PLPPR5: variants seen among roughly 807,000 people sequenced by gnomAD.
PLPPR5 encodes phospholipid phosphatase-related protein type 5.
Under a neutral mutation model 33.9 loss-of-function variants are expected in PLPPR5, and 16 were observed. The observed-to-expected ratio is 0.47, with a 90% CI of 0.32 to 0.72. The LOEUF (loss-of-function observed/expected upper bound fraction) is 0.72, where lower values mean the gene tolerates loss of function less well. Ranked by LOEUF, PLPPR5 falls within the 30% of genes least tolerant of loss-of-function variation. The pLI is 0.03. For missense variants in PLPPR5, 301 were observed against 406.7 expected (o/e 0.74, Z 2.23); for synonymous variants, 163 against 150.3 (o/e 1.08, Z -0.62).
intron 1 of PLPPR5, among the ~76,000 whole-genome samples, chr1:98,958,326 C>T (rs573183724): frequency 1.3e-5 from 2 of 152,166 alleles, no homozygotes; most frequent in African/African-American, 4.8e-5. Flanking sequence ...CCTACTTTTA[C>T]CCCAGTGTGA....
intron 2 of PLPPR5, among the ~76,000 whole-genome samples, chr1:98,955,195 T>C (rs1650958467): frequency 6.6e-6 from 1 of 151,964 alleles, no homozygotes; most frequent in Non-Finnish European, 1.5e-5. Flanking sequence ...ATCCAAACCA[T>C]AAGGGAACAA....
intron 5 of PLPPR5, among the ~76,000 whole-genome samples, chr1:98,894,174 C>T (rs572388406): frequency 6.6e-5 from 10 of 152,012 alleles, no homozygotes; most frequent in South Asian, 2.1e-4. Context: ...AAAATTAGTA[C>T]GAATCAGGAG....
intron 1 of PLPPR5, among the ~76,000 whole-genome samples, chr1:98,957,919 A>G (rs147555327): frequency 0.011 from 1,621 of 152,314 alleles, 18 homozygotes; most frequent in Non-Finnish European, 0.012. Flanking sequence ...AGTGATTTTT[A>G]TACATGGTCC....
intron 1 of PLPPR5, among the ~76,000 whole-genome samples, chr1:98,989,210 A>T (rs1318591772): frequency 1.3e-5 from 2 of 152,152 alleles, no homozygotes; most frequent in South Asian, 4.1e-4. Context: ...TCATATGCTC[A>T]TTCTTTGATC....
Position 98,956,628 on chromosome 1 carries a change from G to A in PLPPR5, c.351C>T (p.Arg117=). ...GDCCYINPLV[R]RTVRFLGIYT... is the part of the protein sequence containing the mutation. ...ACATACCAAGAAATCGGACAGTTCGGCGCACCAGCGGGTTTATATAGCAAC... is the reference window on the plus strand; with the variant it reads ...ACATACCAAGAAATCGGACAGTTCGACGCACCAGCGGGTTTATATAGCAAC... Residue 117 remains arginine, a synonymous_variant, in exon 2 of 6, where the codon CGC becomes CGT. Coordinates refer to ENST00000263177, the MANE Select transcript of PLPPR5 (RefSeq NM_001037317.2). 3 of 1,588,554 alleles carry A rather than the reference G, an allele frequency of 1.9e-6. No homozygotes were observed. The highest frequency in any genetic ancestry group is 1.9e-5 in the Admixed American group (1 of 53,662).
intron 2 of PLPPR5, among the ~76,000 whole-genome samples, chr1:98,954,641 C>T (rs1650936697): frequency 6.6e-6 from 1 of 152,004 alleles, no homozygotes; most frequent in Non-Finnish European, 1.5e-5. Flanking sequence ...GGGAATGAAA[C>T]AAAGATATTA....
At chr1:98,960,397 T>C (rs558174264) in intron 1 of PLPPR5, among the ~76,000 whole-genome samples, 1 of 152,040 alleles carries the variant, frequency 6.6e-6, no homozygotes, top group African/African-American at 2.4e-5. Flanking sequence ...AGAGATGGGG[T>C]TTCACCATGT....
At chr1:98,914,634 T>C in intron 5 of PLPPR5, 152 bp downstream of exon 5, 2 of 651,826 alleles carry the variant, frequency 3.1e-6, no homozygotes, top group East Asian at 3.2e-5. Context: ...TATTTTTCTA[T>C]GATTATCTCT....
intron 5 of PLPPR5, among the ~76,000 whole-genome samples, chr1:98,903,373 C>A (rs1269109748): frequency 1.3e-5 from 2 of 152,056 alleles, no homozygotes; most frequent in Admixed American, 1.3e-4. Context: ...AGAAAATCAA[C>A]TGAATCTTAA....
chr1:98,897,073 A>T (rs189462565), intron 5 of PLPPR5, among the ~76,000 whole-genome samples: 151 of 152,318 alleles, frequency 9.9e-4, no homozygotes, highest in Non-Finnish European at 1.9e-3. Flanking sequence ...CATATTAATG[A>T]TTGAAAAATA....
At chr1:98,920,034 T>G (rs574723471) in intron 4 of PLPPR5, among the ~76,000 whole-genome samples, 1 of 152,138 alleles carries the variant, frequency 6.6e-6, no homozygotes, top group Non-Finnish European at 1.5e-5. Flanking sequence ...AATCCTTTCA[T>G]GAAGTCATTT....
intron 5 of PLPPR5, among the ~76,000 whole-genome samples, chr1:98,909,071 A>G (rs572241783): frequency 1.4e-4 from 21 of 152,250 alleles, no homozygotes; most frequent in African/African-American, 4.3e-4. Flanking sequence ...AAAAGAAGGA[A>G]GGAAGAAAGG....
intron 4 of PLPPR5, among the ~76,000 whole-genome samples, chr1:98,919,791 A>G (rs184287): frequency 0.74 from 112,499 of 152,024 alleles, 41,848 homozygotes; most frequent in East Asian, 0.8. Context: ...GGGTAAAAGG[A>G]ACTGAGAGGA....
chr1:98,911,704 A>G (rs1048912401), intron 5 of PLPPR5, among the ~76,000 whole-genome samples: 1 of 152,102 alleles, frequency 6.6e-6, no homozygotes, highest in Non-Finnish European at 1.5e-5. Flanking sequence ...AGTTACCCTG[A>G]CCATATTATT....
Position 98,953,316 on chromosome 1 carries a change from A to T in PLPPR5, c.375T>A (p.Ile125=). 6.2e-7 allele frequency: 1 copy of T among 1,609,908 alleles called. No homozygotes were observed. Among genetic ancestry groups the T allele is most frequent in the Non-Finnish European group, 8.5e-7 (1 of 1,178,316 alleles). The part of the protein sequence containing the change: ...LVRRTVRFLG[I]YTFGLFATDI... Reference sequence around the variant, plus strand: ...CTGTAGCAAACAGTCCAAATGTATAAATTCCTGGGGAAGAAAACAAATAAT... The same window carrying T: ...CTGTAGCAAACAGTCCAAATGTATATATTCCTGGGGAAGAAAACAAATAAT... The change falls in exon 3 of 6, where the codon ATT becomes ATA. Residue 125 remains isoleucine, a synonymous_variant. Transcript: ENST00000263177.
chr1:98,916,647 C>G (rs1041832179), intron 4 of PLPPR5, among the ~76,000 whole-genome samples: 9 of 152,194 alleles, frequency 5.9e-5, no homozygotes, highest in Non-Finnish European at 1.0e-4. Context: ...GGCAGCAGAT[C>G]AAATTTGGTC....
In PLPPR5 at chr1:99,001,120, A is replaced by G. The variant is rs896772297; in HGVS notation, c.237+3315T>C. 2.7e-5 allele frequency among the ~76,000 whole-genome samples: 4 copies of G among 149,774 alleles called. No individual in the cohort carries two copies. The South Asian group carries it at 6.3e-4, about 24-fold the overall frequency. ...GATTGTTCAAGATTACACAGCAAGTAGAGTTCCCAACTCTTTTTTTTTTTT... is the reference window on the plus strand; with the variant it reads ...GATTGTTCAAGATTACACAGCAAGTGGAGTTCCCAACTCTTTTTTTTTTTT... On this transcript the variant is annotated intron_variant, in intron 1 of 5. Transcript: ENST00000263177.
chr1:98,905,851 A>G (rs576179948), intron 5 of PLPPR5, among the ~76,000 whole-genome samples: 1 of 152,150 alleles, frequency 6.6e-6, no homozygotes, highest in East Asian at 1.9e-4. Flanking sequence ...CATAGCTGAT[A>G]TTTTATGGTT....
At chr1:98,982,684 G>C (rs907906558) in intron 1 of PLPPR5, among the ~76,000 whole-genome samples, 5 of 152,140 alleles carry the variant, frequency 3.3e-5, no homozygotes, top group African/African-American at 9.6e-5. Flanking sequence ...TGAATTAAAT[G>C]TGTTGTAATT....
Sources: allele counts gnomAD v4.1 joint callset (sites outside exome capture counted in the v4.1 genomes callset), GRCh38; gene constraint gnomAD v4.1.1; transcripts MANE v1.5; gene names NCBI Gene and HGNC (gene_info 2026-07-23, HGNC 2026-07-21).